The following ACOXL variants were observed in gnomAD, a reference collection of about 807,000 sequenced individuals.
ACOXL encodes the protein acyl-coenzyme A oxidase-like protein.
Under a neutral mutation model 71.9 loss-of-function variants are expected in ACOXL, and 70 were observed. That is an observed-to-expected ratio of 0.97 (90% confidence interval 0.80 to 1.19). The LOEUF is 1.19. Among genes scored for constraint, ACOXL ranks in the 50% most tolerant of loss-of-function variants. ACOXL has a pLI of 0.00. For missense variants in ACOXL, 703 were observed against 736.3 expected, an observed-to-expected ratio of 0.95 and a Z score of 0.52; for synonymous variants, 253 against 281.6, an observed-to-expected ratio of 0.90 and a Z score of 1.02.
chr2:111,078,390 A>G (rs558109905), intron 16 of ACOXL, among the ~76,000 whole-genome samples: 1 of 152,130 alleles, frequency 6.6e-6, no homozygotes, highest in African/African-American at 2.4e-5. Context: ...CAGCCTCCCA[A>G]GTAGCTGGGA....
At chr2:110,909,174 G>C (rs2059564541) in intron 11 of ACOXL, among the ~76,000 whole-genome samples, 1 of 152,202 alleles carries the variant, frequency 6.6e-6, no homozygotes, top group Non-Finnish European at 1.5e-5. Flanking sequence ...GAGACTTTGA[G>C]AAGGCAGGAG....
chr2:110,982,765 A>G (rs2062767864), intron 12 of ACOXL, among the ~76,000 whole-genome samples: 1 of 152,222 alleles, frequency 6.6e-6, no homozygotes, highest in Non-Finnish European at 1.5e-5. Flanking sequence ...GTGTCCAAAT[A>G]CAAATTGGGT....
At chr2:110,881,946 TAA>T (rs1354750530) in intron 10 of ACOXL, among the ~76,000 whole-genome samples, 3 of 152,162 alleles carry the variant, frequency 2.0e-5, no homozygotes, top group Non-Finnish European at 4.4e-5. Flanking sequence ...CATTTGCATA[TAA>T]GTCTTTTTTA....
At chr2:111,097,569 T>C (rs536040462) in intron 17 of ACOXL, among the ~76,000 whole-genome samples, 1 of 152,318 alleles carries the variant, frequency 6.6e-6, no homozygotes, top group South Asian at 2.1e-4. Flanking sequence ...GGCCAGTGAA[T>C]GCACAAGATG....
chr2:110,742,978 T>C (rs1264446266), intron 1 of ACOXL, among the ~76,000 whole-genome samples: 1 of 152,236 alleles, frequency 6.6e-6, no homozygotes. Context: ...ATTTAGTGTG[T>C]TCTCAATGTT....
intron 1 of ACOXL, among the ~76,000 whole-genome samples, chr2:110,763,602 A>G (rs1680678472): frequency 6.6e-6 from 1 of 152,228 alleles, no homozygotes; most frequent in Non-Finnish European, 1.5e-5. Flanking sequence ...TAGGAGATCT[A>G]GAAGAAAGTC....
chr2:110,820,978 A>G (rs1199836088), intron 9 of ACOXL, among the ~76,000 whole-genome samples: 3 of 152,186 alleles, frequency 2.0e-5, no homozygotes, highest in African/African-American at 7.2e-5. Flanking sequence ...TGGACCTTCC[A>G]GTGAATAACA....
Position 110,732,778 on chromosome 2 carries a change from C to T in ACOXL, c.-23+4C>T, listed in dbSNP as rs1367611636. ...GGCGCCCGCTCTTCCGGCAAAGGTA[C>T]CGCGCTGCGGCCGTCGCCCCTGCCC... is the stretch of plus-strand genomic sequence containing the variant. On this transcript the variant is annotated splice_donor_region_variant and intron_variant, in intron 1 of 17. Coordinates refer to ENST00000439055, the MANE Select transcript of ACOXL (RefSeq NM_001142807.4). 6.6e-6 allele frequency: 1 copy of T among 152,474 alleles called. No homozygotes were observed. The highest frequency in any genetic ancestry group is 1.5e-5 in the Non-Finnish European group (1 of 68,124). The allele number at this position is 152,474 out of a possible 1,614,324, so 9.4% of individuals were successfully genotyped here. A position where few individuals can be genotyped will look rare whatever the true frequency, so the allele number is the denominator to read the frequency against.
chr2:110,734,220 G>A (rs974541738), intron 1 of ACOXL, among the ~76,000 whole-genome samples: 6 of 151,308 alleles, frequency 4.0e-5, no homozygotes, highest in Admixed American at 3.3e-4. Flanking sequence ...TTTCTAATAC[G>A]GGAAATATCA....
chr2:110,881,161 G>T (rs1696591573), intron 10 of ACOXL, among the ~76,000 whole-genome samples: 1 of 151,318 alleles, frequency 6.6e-6, no homozygotes, highest in Non-Finnish European at 1.5e-5. Context: ...ATATGTATGT[G>T]TGTATATATA....
At chr2:110,922,494 C>T (rs923415395) in intron 11 of ACOXL, among the ~76,000 whole-genome samples, 2 of 152,132 alleles carry the variant, frequency 1.3e-5, no homozygotes, top group Admixed American at 6.5e-5. Context: ...AAATTTGTGA[C>T]ACAGAAGTTA....
At chr2:110,865,277 G>T (rs1694428832) in intron 10 of ACOXL, among the ~76,000 whole-genome samples, 1 of 152,250 alleles carries the variant, frequency 6.6e-6, no homozygotes. Context: ...TGGCTGCCCT[G>T]GGTTGGAGTG....
intron 15 of ACOXL, among the ~76,000 whole-genome samples, chr2:111,035,561 T>C (rs995777489): frequency 2.6e-5 from 4 of 152,268 alleles, no homozygotes; most frequent in African/African-American, 9.6e-5. Context: ...TTCTCGAAGC[T>C]TGTGAGTACT....
At chr2:110,970,905 C>T (rs4849303) in intron 12 of ACOXL, among the ~76,000 whole-genome samples, 74,296 of 151,942 alleles carry the variant, frequency 0.49, 18,363 homozygotes, top group Middle Eastern at 0.6. Flanking sequence ...GACCTAGGGA[C>T]AGGGAAGAAG....
At chr2:110,871,743 C>T (rs1431055713) in intron 10 of ACOXL, among the ~76,000 whole-genome samples, 3 of 152,118 alleles carry the variant, frequency 2.0e-5, no homozygotes, top group East Asian at 1.9e-4. Flanking sequence ...GAGATGAGAG[C>T]GCCATAGCAC....
At chr2:110,757,743 T>G (rs563045502) in intron 1 of ACOXL, among the ~76,000 whole-genome samples, 39 of 146,890 alleles carry the variant, frequency 2.7e-4, no homozygotes, top group Admixed American at 1.7e-3. Context: ...TTTAATGGGG[T>G]TTTTTTTTTT....
At chr2:110,827,221 A>T (rs1053214024) in intron 9 of ACOXL, among the ~76,000 whole-genome samples, 9 of 152,180 alleles carry the variant, frequency 5.9e-5, no homozygotes, top group Admixed American at 5.9e-4. Flanking sequence ...GGATCTATAC[A>T]CAGGCACTGA....
rs880508 is a variant in ACOXL at position 110,869,290 on chromosome 2, C to T, written c.788+27885C>T. 1.7e-3 allele frequency among the ~76,000 whole-genome samples: 255 copies of T among 152,268 alleles called. 8 individuals are homozygous for T. The highest frequency in any genetic ancestry group is 0.016 in the Admixed American group (238 of 15,292). On this transcript the variant is annotated intron_variant, in intron 10 of 17. Coordinates refer to ENST00000439055, the MANE Select transcript of ACOXL (RefSeq NM_001142807.4). ...GGAAGGCTGTGTGTATTGTAAATCCCGTATCAATGCAGTCGTTGTTGGCAT... is the reference window on the plus strand; with the variant it reads ...GGAAGGCTGTGTGTATTGTAAATCCTGTATCAATGCAGTCGTTGTTGGCAT...
intron 16 of ACOXL, among the ~76,000 whole-genome samples, chr2:111,067,218 CT>C (rs1157156982): frequency 6.6e-6 from 1 of 152,066 alleles, no homozygotes; most frequent in Non-Finnish European, 1.5e-5. Context: ...ACCTTAGTCA[CT>C]TACAAATTTG....
Sources: allele counts gnomAD v4.1 joint callset (sites outside exome capture counted in the v4.1 genomes callset), GRCh38; gene constraint gnomAD v4.1.1; transcripts MANE v1.5; gene names NCBI Gene and HGNC (gene_info 2026-07-23, HGNC 2026-07-21).